The following GFER variants were observed in gnomAD, a reference collection of about 807,000 sequenced individuals.
GFER encodes growth factor, augmenter of liver regeneration, also known as FAD-linked sulfhydryl oxidase ALR.
In GFER, 24 loss-of-function variants were observed where a neutral mutation model predicts 18.2. The observed-to-expected ratio is 1.32, with a 90% CI of 0.96 to 1.86. The LOEUF (loss-of-function observed/expected upper bound fraction) is 1.86. GFER is among the 40% of genes most tolerant of loss of function. The probability of loss-of-function intolerance (pLI) is 0.00; values close to 1 mark genes in which losing one functional copy is unlikely to be tolerated. For missense variants in GFER, 316 were observed against 295.6 expected, an observed-to-expected ratio of 1.07 and a Z score of -0.51; for synonymous variants, 138 against 126.9, an observed-to-expected ratio of 1.09 and a Z score of -0.59.
intron 2 of GFER, among the ~76,000 whole-genome samples, chr16:1,985,378 A>G (rs1316595108): frequency 6.6e-6 from 1 of 152,226 alleles, no homozygotes; most frequent in East Asian, 1.9e-4. Flanking sequence ...TTTCTAGGCC[A>G]GATGTATAGG....
Position 1,984,728 on chromosome 16 carries a change from G to A in GFER, c.259-19G>A. 6.2e-7 allele frequency: 1 copy of A among 1,601,312 alleles called. No homozygotes were observed. Among genetic ancestry groups the A allele is most frequent in the East Asian group, 2.2e-5 (1 of 44,854 alleles). ...TTGTTCGGAGAATGAACTCACTCTC[G>A]GTCGGCCTGCTTCCGCAGCGGGACA... On this transcript the variant is annotated intron_variant, in intron 1 of 2. Transcript: ENST00000248114.
Position 1,986,044 on chromosome 16 carries a change from A to G in GFER, c.*16A>G. The G allele has an allele frequency of 6.2e-7, 1 of 1,611,542 alleles. No individual in the cohort carries two copies. The highest frequency in any genetic ancestry group is 8.5e-7 in the Non-Finnish European group (1 of 1,179,552). On this transcript the variant is annotated 3_prime_UTR_variant, in exon 3 of 3. Coordinates refer to ENST00000248114, the MANE Select transcript of GFER (RefSeq NM_005262.3). ...CTGTGACTAGAGGGTGGTCAGCCAG[A>G]GCTCATGGGACAGCTAGCCAGGCAT...
chr16:1,986,456 C>G lies in GFER; in HGVS notation c.*428C>G, dbSNP rs376238901. On this transcript the variant is annotated 3_prime_UTR_variant, in exon 3 of 3. Transcript: ENST00000248114. ...TGCAGCCAGGGATGCCCCTGCCCCC[C>G]ATGGCTCTGTGCTGCTCACTTTAGG... 6.9e-5 allele frequency: 24 copies of G among 346,092 alleles called. No homozygotes were observed. Among genetic ancestry groups the G allele is most frequent in the East Asian group, 6.8e-4 (9 of 13,270 alleles). 21.4% of individuals were successfully genotyped at this position (346,092 alleles called of 1,614,324 possible). A position where few individuals can be genotyped will look rare whatever the true frequency, so the allele number is the denominator to read the frequency against.
intron 1 of GFER, 34 bp downstream of exon 1, chr16:1,984,510 C>A: frequency 1.3e-6 from 2 of 1,547,944 alleles, no homozygotes; most frequent in Non-Finnish European, 1.7e-6. Flanking sequence ...CCCAGCCCCG[C>A]GCAGCCCCTG....
In GFER at chr16:1,984,727, C is replaced by G; in HGVS notation, c.259-20C>G. On this transcript the variant is annotated intron_variant, in intron 1 of 2. Coordinates refer to ENST00000248114, the MANE Select transcript of GFER (RefSeq NM_005262.3). ...TTTGTTCGGAGAATGAACTCACTCT[C>G]GGTCGGCCTGCTTCCGCAGCGGGAC... The G allele has an allele frequency of 6.3e-7, 1 of 1,599,560 alleles. No individual in the cohort carries two copies. Among genetic ancestry groups the G allele is most frequent in the Non-Finnish European group, 8.5e-7 (1 of 1,175,894 alleles).
chr16:1,985,772 G>A, intron 2 of GFER, 94 bp from the exon 3 acceptor site: 2 of 1,165,838 alleles, frequency 1.7e-6, no homozygotes, highest in Non-Finnish European at 1.3e-6. Flanking sequence ...TCACAGCAGT[G>A]CCCCAGCTCT....
Position 1,984,390 on chromosome 16 carries a change from G to A in GFER, c.172G>A (p.Asp58Asn). The A allele has an allele frequency of 6.5e-7, 1 of 1,535,400 alleles. No individual in the cohort carries two copies. Among genetic ancestry groups the A allele is most frequent in the Non-Finnish European group, 8.7e-7 (1 of 1,145,128 alleles). The change falls in exon 1 of 3, where the codon GAT (aspartate) becomes AAT (asparagine). Residue 58 changes from aspartate (D) to asparagine (N), a missense_variant. Physicochemically the swap from Asp to Asn is conservative, Grantham distance 23. Coordinates refer to ENST00000248114, the MANE Select transcript of GFER (RefSeq NM_005262.3). ...ASTPAQAPTS[D>N]SPVAEDASRR... ...GACGCCAGCCCAGGCGCCGACCTCC[G>A]ATTCTCCTGTCGCCGAGGACGCCTC...
chr16:1,985,895 C>A lies in GFER; in HGVS notation c.485C>A (p.Thr162Asn), dbSNP rs1437002371. 2 of 1,612,706 alleles carry A rather than the reference C, an allele frequency of 1.2e-6. No individual in the cohort carries two copies. Among genetic ancestry groups the A allele is most frequent in the Non-Finnish European group, 1.7e-6 (2 of 1,179,966 alleles). Reference sequence around the variant, plus strand: ...TGCAGGAACCACCCAGACACCCGCACCCGGGCATGCTTCACACAGTGGCTG... The same window carrying A: ...TGCAGGAACCACCCAGACACCCGCAACCGGGCATGCTTCACACAGTGGCTG... ...RLCRNHPDTRTRACFTQWLCH... is the reference protein window; with the variant it reads ...RLCRNHPDTRNRACFTQWLCH... Residue 162 changes from threonine to asparagine, a missense_variant, in exon 3 of 3, where the codon ACC becomes AAC. Coordinates refer to ENST00000248114, the MANE Select transcript of GFER (RefSeq NM_005262.3).
In GFER at chr16:1,984,408, G is replaced by A. The variant is rs1360738973; in HGVS notation, c.190G>A (p.Asp64Asn). ...APTSDSPVAE[D>N]ASRRRPCRAC... The stretch of plus-strand genomic sequence containing the variant: ...GACCTCCGATTCTCCTGTCGCCGAG[G>A]ACGCCTCCCGGAGGCGGCCGTGCCG... Residue 64 changes from aspartate to asparagine, a missense_variant, in exon 1 of 3, where the codon GAC (aspartate) becomes AAC (asparagine). By Grantham distance (23) the Asp-to-Asn change is conservative. Coordinates refer to ENST00000248114, the MANE Select transcript of GFER (RefSeq NM_005262.3). 6.5e-7 allele frequency: 1 copy of A among 1,539,830 alleles called. No individual in the cohort carries two copies. Among genetic ancestry groups the A allele is most frequent in the East Asian group, 2.4e-5 (1 of 40,932 alleles).
At position 1,984,358 on chromosome 16, in the gene GFER, C is replaced by T; in HGVS notation, c.140C>T (p.Ser47Leu). ...RGAGRRDAAA[S>L]ASTPAQAPTS... ...GCGGGGCGGAGAGACGCGGCCGCCT[C>T]GGCCTCGACGCCAGCCCAGGCGCCG... The change falls in exon 1 of 3, where the codon TCG becomes TTG. Residue 47 changes from serine to leucine, a missense_variant. Transcript: ENST00000248114. 1 of 1,517,900 alleles carries T rather than the reference C, an allele frequency of 6.6e-7. No individual in the cohort carries two copies. 94.0% of individuals were successfully genotyped at this position (1,517,900 alleles called of 1,614,324 possible).
Position 1,984,722 on chromosome 16 carries a change from ACTCT to A in GFER, c.259-23_259-20del, listed in dbSNP as rs2083553972. 2.5e-6 allele frequency: 4 copies of A among 1,595,142 alleles called. No homozygotes were observed. In the South Asian group the frequency reaches 4.4e-5, roughly 18 times the overall value. On this transcript the variant is annotated intron_variant, in intron 1 of 2. Coordinates refer to ENST00000248114, the MANE Select transcript of GFER (RefSeq NM_005262.3). ...GCGCCTTTGTTCGGAGAATGAACTCACTCTCGGTCGGCCTGCTTCCGCAGCGGGA... is the reference window on the plus strand; with the variant it reads ...GCGCCTTTGTTCGGAGAATGAACTCACGGTCGGCCTGCTTCCGCAGCGGGA...
In GFER at chr16:1,986,356, C is replaced by A; in HGVS notation, c.*328C>A. The stretch of plus-strand genomic sequence containing the variant: ...CCGCATACCCTGGCGCCTCACTCCT[C>A]ACACGGGAAGACAGCGGGCCTGGCT... On this transcript the variant is annotated 3_prime_UTR_variant, in exon 3 of 3. Transcript: ENST00000248114. The A allele has an allele frequency of 2.6e-6, 1 of 390,994 alleles. No individual in the cohort carries two copies. The highest frequency in any genetic ancestry group is 2.1e-5 in the South Asian group (1 of 47,874). The allele number at this position is 390,994 out of a possible 1,614,324, so 24.2% of individuals were successfully genotyped here.
At position 1,986,231 on chromosome 16, in the gene GFER, C is replaced by G. The variant is rs2083567078; in HGVS notation, c.*203C>G. 1.6e-6 allele frequency: 1 copy of G among 625,454 alleles called. No individual in the cohort carries two copies. The highest frequency in any genetic ancestry group is 2.3e-5 in the Admixed American group (1 of 43,734). The allele number at this position is 625,454 out of a possible 1,614,324, so 38.7% of individuals were successfully genotyped here. A position where few individuals can be genotyped will look rare whatever the true frequency, so the allele number is the denominator to read the frequency against. On this transcript the variant is annotated 3_prime_UTR_variant, in exon 3 of 3. Transcript: ENST00000248114. ...CACAGCAGGTACCCACTGGCCCCCTCCTCAGTGGAGACCCCAAGGAGCTGC... is the reference window on the plus strand; with the variant it reads ...CACAGCAGGTACCCACTGGCCCCCTGCTCAGTGGAGACCCCAAGGAGCTGC...
In GFER at chr16:1,987,732, C is replaced by T. The variant is rs2083575066; in HGVS notation, c.*1704C>T. The T allele has an allele frequency of 7.2e-6, 1 of 138,388 alleles. No homozygotes were observed. Among genetic ancestry groups the T allele is most frequent in the Non-Finnish European group, 1.6e-5 (1 of 64,428 alleles). 8.6% of individuals were successfully genotyped at this position (138,388 alleles called of 1,614,324 possible). ...CTTAAAGTTTCACTCCTGAATAAAA[C>T]TTCACTTTGCCTTAGAATCTGTTTT... On this transcript the variant is annotated 3_prime_UTR_variant, in exon 3 of 3. Coordinates refer to ENST00000248114, the MANE Select transcript of GFER (RefSeq NM_005262.3).
chr16:1,984,215 C>T lies in GFER; in HGVS notation c.-4C>T, dbSNP rs2083547295. The T allele has an allele frequency of 1.4e-6, 2 of 1,472,764 alleles. No homozygotes were observed. The highest frequency in any genetic ancestry group is 1.8e-6 in the Non-Finnish European group (2 of 1,118,230). The allele number at this position is 1,472,764 out of a possible 1,614,324, so 91.2% of individuals were successfully genotyped here. ...GCTGACCCGGCAGGCCTTGCGCGGGCAACATGGCGGCGCCCGGCGAGCGGG... is the reference window on the plus strand; with the variant it reads ...GCTGACCCGGCAGGCCTTGCGCGGGTAACATGGCGGCGCCCGGCGAGCGGG... On this transcript the variant is annotated 5_prime_UTR_variant, in exon 1 of 3. Coordinates refer to ENST00000248114, the MANE Select transcript of GFER (RefSeq NM_005262.3).
At chr16:1,984,982 G>A (rs2055250069) in intron 2 of GFER, 39 bp downstream of exon 2, 2 of 1,461,822 alleles carry the variant, frequency 1.4e-6, no homozygotes, top group Admixed American at 1.7e-5. Flanking sequence ...TTGCACTGGA[G>A]CCTGGGCCTG....
At position 1,984,293 on chromosome 16, in the gene GFER, G is replaced by T. The variant is rs902431596; in HGVS notation, c.75G>T (p.Glu25Asp). The T allele has an allele frequency of 6.7e-7, 1 of 1,483,242 alleles. No individual in the cohort carries two copies. Among genetic ancestry groups the T allele is most frequent in the Non-Finnish European group, 8.9e-7 (1 of 1,124,296 alleles). The allele number at this position is 1,483,242 out of a possible 1,614,324, so 91.9% of individuals were successfully genotyped here. A position where few individuals can be genotyped will look rare whatever the true frequency, so the allele number is the denominator to read the frequency against. The change falls in exon 1 of 3, where the codon GAG becomes GAT. Residue 25 changes from glutamate (E) to aspartate (D), a missense_variant. By Grantham distance (45) the Glu-to-Asp change is conservative (BLOSUM62 2). Transcript: ENST00000248114. ...LFFLPGGARS[E>D]MMDDLATDAR... Reference sequence around the variant, plus strand: ...TCCTGCCGGGGGGCGCGCGCTCCGAGATGATGGACGACCTGGCGACCGACG... The same window carrying T: ...TCCTGCCGGGGGGCGCGCGCTCCGATATGATGGACGACCTGGCGACCGACG...
Position 1,986,238 on chromosome 16 carries a change from G to A in GFER, c.*210G>A. 3.3e-6 allele frequency: 2 copies of A among 612,536 alleles called. No homozygotes were observed. The highest frequency in any genetic ancestry group is 3.5e-5 in the South Asian group (2 of 56,474). The allele number at this position is 612,536 out of a possible 1,614,324, so 37.9% of individuals were successfully genotyped here. On this transcript the variant is annotated 3_prime_UTR_variant, in exon 3 of 3. Transcript: ENST00000248114. ...GGTACCCACTGGCCCCCTCCTCAGT[G>A]GAGACCCCAAGGAGCTGCAGCTGAA...
chr16:1,985,016 G>A (rs938632533), intron 2 of GFER, 73 bp downstream of exon 2: 35 of 1,193,886 alleles, frequency 2.9e-5, no homozygotes, highest in South Asian at 4.9e-5. Context: ...ACGTTATAGC[G>A]GGGAACGTAG....
Sources: gnomAD v4.1 joint callset for allele counts (sites outside exome capture counted in the v4.1 genomes callset) on GRCh38, gnomAD v4.1.1 for gene constraint, MANE v1.5 for transcripts, NCBI Gene and HGNC (gene_info 2026-07-23, HGNC 2026-07-21) for gene names.